The following USH2A variants were observed in gnomAD, a reference collection of about 807,000 sequenced individuals.
The protein encoded by USH2A is Usher syndrome 2A (autosomal recessive, mild).
A neutral mutation model predicts 538.9 loss-of-function variants in USH2A; 443 were observed. That is an observed-to-expected ratio of 0.82 (90% CI 0.76 to 0.89). The LOEUF (loss-of-function observed/expected upper bound fraction) is 0.89, where lower values mean the gene tolerates loss of function less well. Among genes scored for constraint, USH2A ranks in the 40% least tolerant of loss-of-function variants. The pLI, the probability that USH2A is intolerant of heterozygous loss-of-function variation, is 0.00. For missense variants in USH2A, 6,633 were observed against 6,324.8 expected (o/e 1.05, Z -1.65); for synonymous variants, 2,413 against 2,273.5 (o/e 1.06, Z -1.75).
chr1:215,784,564 A>ATT (rs1209526950), intron 52 of USH2A, among the ~76,000 whole-genome samples: 5 of 152,192 alleles, frequency 3.3e-5, no homozygotes, highest in Admixed American at 2.6e-4. Context: ...ATTAGTAGGT[A>ATT]TTTAATAAAT....
chr1:216,250,307 T>C (rs1452356102), intron 12 of USH2A, among the ~76,000 whole-genome samples: 1 of 152,202 alleles, frequency 6.6e-6, no homozygotes, highest in African/African-American at 2.4e-5. Flanking sequence ...GGCAGCTGTT[T>C]ATTATAATCA....
At chr1:215,926,353 A>T (rs1468934053) in intron 38 of USH2A, among the ~76,000 whole-genome samples, 1 of 152,146 alleles carries the variant, frequency 6.6e-6, no homozygotes, top group African/African-American at 2.4e-5. Flanking sequence ...CTTTCCTTTA[A>T]AAACTGAAGG....
At position 216,217,479 on chromosome 1, in the gene USH2A, A is replaced by G; in HGVS notation, c.3065T>C (p.Phe1022Ser). The change falls in exon 15 of 72, where the codon TTC (phenylalanine) becomes TCC (serine). Residue 1022 changes from phenylalanine to serine, a missense_variant. Coordinates refer to ENST00000307340, the MANE Select transcript of USH2A (RefSeq NM_206933.4). ...TGAGCCAGTGACAAATTGTTTACAG[A>G]AACACTGGCCTGTGACCAAGTGACA... ...ETCHLVTGQC[F>S]CKQFVTGSKC... 1.2e-6 allele frequency: 2 copies of G among 1,613,356 alleles called. No homozygotes were observed. The highest frequency in any genetic ancestry group is 1.3e-5 in the African/African-American group (1 of 75,016).
intron 41 of USH2A, among the ~76,000 whole-genome samples, chr1:215,886,173 C>G (rs371694441): frequency 2.0e-4 from 30 of 152,140 alleles, no homozygotes; most frequent in African/African-American, 5.8e-4. Flanking sequence ...CTGGAACAAC[C>G]CTCTATGATA....
At chr1:216,343,258 C>T (rs1176800352) in intron 4 of USH2A, among the ~76,000 whole-genome samples, 1 of 150,218 alleles carries the variant, frequency 6.7e-6, no homozygotes, top group Non-Finnish European at 1.5e-5. Flanking sequence ...ATTTTCAAAA[C>T]AACAAAGCTT....
At chr1:216,039,684 T>A (rs1571909401) in intron 32 of USH2A, among the ~76,000 whole-genome samples, 1 of 152,022 alleles carries the variant, frequency 6.6e-6, no homozygotes, top group East Asian at 1.9e-4. Flanking sequence ...TGTGAATGAG[T>A]ATAATTTAGC....
chr1:216,224,266 C>G (rs969217007), intron 14 of USH2A, among the ~76,000 whole-genome samples: 1 of 152,138 alleles, frequency 6.6e-6, no homozygotes, highest in African/African-American at 2.4e-5. Flanking sequence ...AACTTGAGGA[C>G]AGTGCCAGTA....
chr1:215,875,709 G>A (rs1325649689), intron 43 of USH2A, among the ~76,000 whole-genome samples: 1 of 151,672 alleles, frequency 6.6e-6, no homozygotes, highest in Non-Finnish European at 1.5e-5. Context: ...CTCAGATTCA[G>A]TAATGTTAAA....
chr1:216,172,774 T>G (rs1272476414), intron 21 of USH2A, among the ~76,000 whole-genome samples: 1 of 152,156 alleles, frequency 6.6e-6, no homozygotes, highest in Admixed American at 6.6e-5. Context: ...TGAAACTAAC[T>G]GAAAGACAAA....
chr1:215,622,925 T>C lies in USH2A; in HGVS notation c.*2856A>G, dbSNP rs886397558. The C allele has an allele frequency of 6.6e-6, 1 of 152,140 alleles. No individual in the cohort carries two copies. Among genetic ancestry groups the C allele is most frequent in the East Asian group, 1.9e-4 (1 of 5,192 alleles). The allele number at this position is 152,140 out of a possible 1,614,324, so 9.4% of individuals were successfully genotyped here. ...ATTCAAATATTTATTAAGCAAACCATCTTTAGATTAGTTTACATGATATTT... is the reference window on the plus strand; with the variant it reads ...ATTCAAATATTTATTAAGCAAACCACCTTTAGATTAGTTTACATGATATTT... On this transcript the variant is annotated 3_prime_UTR_variant, in exon 72 of 72. Transcript: ENST00000307340.
Position 216,325,554 on chromosome 1 carries a change from G to A in USH2A, c.894C>T (p.Ala298=), listed in dbSNP as rs1052598738. The part of the protein sequence containing the change: ...VFSGDLLRLH[A]QSHCRCPGSH... ...TGCCAGGGCAACGGCAATGTGATTG[G>A]GCATGCAATCTGAGAAGATCTCCAG... The change falls in exon 6 of 72, where the codon GCC becomes GCT. Residue 298 remains alanine, a synonymous_variant. Transcript: ENST00000307340. 3.7e-6 allele frequency: 6 copies of A among 1,613,330 alleles called. No individual in the cohort carries two copies. Among genetic ancestry groups the A allele is most frequent in the Non-Finnish European group, 3.4e-6 (4 of 1,179,690 alleles).
intron 27 of USH2A, among the ~76,000 whole-genome samples, chr1:216,074,368 A>C (rs2031678080): frequency 6.6e-6 from 1 of 152,068 alleles, no homozygotes; most frequent in Admixed American, 6.6e-5. Context: ...AACACTGTAA[A>C]GTTTGAAAGG....
At chr1:215,640,395 A>G (rs986757738) in intron 68 of USH2A, among the ~76,000 whole-genome samples, 163 bp downstream of exon 68, 2 of 152,122 alleles carry the variant, frequency 1.3e-5, no homozygotes, top group African/African-American at 4.8e-5. Flanking sequence ...GGAAGGAAAG[A>G]AAACCTTATT....
chr1:215,673,018 A>G (rs1047695854), intron 63 of USH2A, among the ~76,000 whole-genome samples: 2 of 152,214 alleles, frequency 1.3e-5, no homozygotes, highest in African/African-American at 4.8e-5. Flanking sequence ...TCAGGTAAAG[A>G]GGAAGCCAGT....
intron 56 of USH2A, among the ~76,000 whole-genome samples, chr1:215,762,913 A>G (rs1661021212): frequency 6.6e-6 from 1 of 152,320 alleles, no homozygotes; most frequent in East Asian, 1.9e-4. Context: ...GACAACAAGT[A>G]GAACATGTCT....
chr1:215,967,030 G>A (rs1667363253), intron 36 of USH2A, among the ~76,000 whole-genome samples: 1 of 151,980 alleles, frequency 6.6e-6, no homozygotes, highest in South Asian at 2.1e-4. Context: ...TATCTACCTT[G>A]CTGTAAAAGG....
At chr1:216,146,798 C>T (rs1311459584) in intron 21 of USH2A, among the ~76,000 whole-genome samples, 2 of 152,086 alleles carry the variant, frequency 1.3e-5, no homozygotes, top group African/African-American at 4.8e-5. Flanking sequence ...GCCTCCTTCA[C>T]TATGGGCAAC....
At chr1:216,127,939 G>A (rs2102599940) in intron 21 of USH2A, among the ~76,000 whole-genome samples, 1 of 152,280 alleles carries the variant, frequency 6.6e-6, no homozygotes, top group Non-Finnish European at 1.5e-5. Context: ...GAAGTCAGAT[G>A]TAGCTCAGGA....
At chr1:215,947,042 CT>C (rs34295902) in intron 37 of USH2A, among the ~76,000 whole-genome samples, 6,604 of 146,254 alleles carry the variant, frequency 0.045, 293 homozygotes, top group African/African-American at 0.12. Context: ...AGGTATATTA[CT>C]TTTTTTTTTT....
Sources: gnomAD v4.1 joint callset for allele counts (sites outside exome capture counted in the v4.1 genomes callset) on GRCh38, gnomAD v4.1.1 for gene constraint, MANE v1.5 for transcripts, NCBI Gene and HGNC (gene_info 2026-07-23, HGNC 2026-07-21) for gene names.